UBR3: variants seen among roughly 807,000 people sequenced by gnomAD.
The protein encoded by UBR3 is E3 ubiquitin-protein ligase UBR3.
UBR3 carries 85 observed loss-of-function variants against 243.2 expected under a neutral mutation model. The ratio of observed to expected loss-of-function variants is 0.35; its 90% CI spans 0.29 to 0.42. The LOEUF (loss-of-function observed/expected upper bound fraction) is 0.42. Ranked by LOEUF, UBR3 falls within the 10% of genes least tolerant of loss-of-function variation. The pLI, the probability that UBR3 is intolerant of heterozygous loss-of-function variation, is 1.00. For missense variants in UBR3, 1,686 were observed against 2,300.8 expected (o/e 0.73, Z 5.47); for synonymous variants, 748 against 799.8 (o/e 0.94, Z 1.09).
At chr2:170,054,205 A>G (rs1260971930) in intron 32 of UBR3, among the ~76,000 whole-genome samples, 1 of 151,654 alleles carries the variant, frequency 6.6e-6, no homozygotes, top group Non-Finnish European at 1.5e-5. Flanking sequence ...TTGGATTACT[A>G]TAGCCTTCCC....
chr2:170,050,040 A>G (rs747897925), intron 32 of UBR3, among the ~76,000 whole-genome samples: 16 of 152,204 alleles, frequency 1.1e-4, no homozygotes, highest in Non-Finnish European at 2.1e-4. Context: ...TTGGACCCAA[A>G]ATTCAATTGC....
intron 35 of UBR3, among the ~76,000 whole-genome samples, chr2:170,071,087 G>A (rs763645977): frequency 3.3e-5 from 5 of 152,166 alleles, no homozygotes; most frequent in East Asian, 1.9e-4. Flanking sequence ...AAGTGTTGGC[G>A]AGGATTTGAA....
At chr2:169,938,348 G>C (rs908963738) in intron 19 of UBR3, among the ~76,000 whole-genome samples, 3 of 147,342 alleles carry the variant, frequency 2.0e-5, no homozygotes, top group African/African-American at 7.6e-5. Context: ...CTGCAGCCTT[G>C]GGCCTTCCCA....
intron 36 of UBR3, among the ~76,000 whole-genome samples, chr2:170,075,997 A>G (rs1173814276): frequency 6.6e-6 from 1 of 151,800 alleles, no homozygotes; most frequent in Non-Finnish European, 1.5e-5. Flanking sequence ...GCTTGGGAAG[A>G]AGAGAAACCA....
chr2:169,957,642 C>T (rs1456627846), intron 23 of UBR3, among the ~76,000 whole-genome samples: 1 of 151,864 alleles, frequency 6.6e-6, no homozygotes, highest in African/African-American at 2.4e-5. Context: ...AGCACACCAA[C>T]ATGGCACATG....
chr2:169,973,013 AC>A (rs1320072170), intron 24 of UBR3, among the ~76,000 whole-genome samples: 2 of 104,282 alleles, frequency 1.9e-5, no homozygotes, highest in Non-Finnish European at 3.9e-5. Flanking sequence ...TATCTAGAAA[AC>A]CCCATTGTCT....
chr2:170,005,232 C>A (rs2089870329), intron 27 of UBR3, among the ~76,000 whole-genome samples: 1 of 151,938 alleles, frequency 6.6e-6, no homozygotes, highest in South Asian at 2.1e-4. Flanking sequence ...TCAAACAAAA[C>A]AAAACAAAAA....
intron 25 of UBR3, among the ~76,000 whole-genome samples, chr2:169,990,768 A>T (rs1357677491): frequency 6.6e-6 from 1 of 152,022 alleles, no homozygotes; most frequent in East Asian, 1.9e-4. Flanking sequence ...AAGAGAAGGG[A>T]ATCAAAATTT....
At chr2:170,002,771 C>T (rs1284910902) in intron 27 of UBR3, among the ~76,000 whole-genome samples, 1 of 152,176 alleles carries the variant, frequency 6.6e-6, no homozygotes, top group Non-Finnish European at 1.5e-5. Context: ...CTCTCCCATT[C>T]AGAATCCTTC....
At chr2:169,887,155 TTGTCTCA>T (rs2084132456) in intron 5 of UBR3, among the ~76,000 whole-genome samples, 1 of 152,388 alleles carries the variant, frequency 6.6e-6, no homozygotes, top group Admixed American at 6.5e-5. Context: ...TTGGATTTTC[TTGTCTCA>T]TGTCTTCTTG....
In UBR3 at chr2:170,061,457, G is replaced by C. The variant is rs769370883; in HGVS notation, c.5019+14G>C. 1 of 1,586,290 alleles carries C rather than the reference G, an allele frequency of 6.3e-7. No individual in the cohort carries two copies. Among genetic ancestry groups the C allele is most frequent in the Non-Finnish European group, 8.5e-7 (1 of 1,171,282 alleles). On this transcript the variant is annotated intron_variant, in intron 35 of 38. Coordinates refer to ENST00000272793, the MANE Select transcript of UBR3 (RefSeq NM_172070.4). The stretch of plus-strand genomic sequence containing the variant: ...CCTAGCTGCCAGGTAGATAATTTGG[G>C]ATATGTAAGAGGGAGCTTTTTTTTT...
At chr2:169,947,796 T>C (rs2086844856) in intron 22 of UBR3, 81 bp downstream of exon 22, 1 of 1,255,736 alleles carries the variant, frequency 8.0e-7, no homozygotes. Context: ...TCCTATAATA[T>C]CCAAAAGAAA....
intron 5 of UBR3, among the ~76,000 whole-genome samples, chr2:169,883,876 C>A (rs2083987901): frequency 6.6e-6 from 1 of 152,172 alleles, no homozygotes; most frequent in African/African-American, 2.4e-5. Context: ...CTCTTTTGCC[C>A]AGGCTGGAGT....
At chr2:170,019,516 C>G (rs974799697) in intron 30 of UBR3, among the ~76,000 whole-genome samples, 2 of 151,986 alleles carry the variant, frequency 1.3e-5, no homozygotes, top group African/African-American at 4.8e-5. Context: ...AGAACCTCAT[C>G]TCTAAAAAGA....
At chr2:170,063,334 T>C (rs571236878) in intron 35 of UBR3, among the ~76,000 whole-genome samples, 6 of 152,264 alleles carry the variant, frequency 3.9e-5, no homozygotes, top group Admixed American at 6.5e-5. Context: ...AAGTACTTTG[T>C]GTATATTCAG....
intron 24 of UBR3, among the ~76,000 whole-genome samples, chr2:169,978,651 T>G (rs986187495): frequency 1.3e-5 from 2 of 151,968 alleles, no homozygotes; most frequent in South Asian, 2.1e-4. Flanking sequence ...TCCCAGACTC[T>G]GTGATCCCAG....
Position 169,925,609 on chromosome 2 carries a change from CTTTTA to C in UBR3, c.2023-7_2023-3del. 1 of 1,534,646 alleles carries C rather than the reference CTTTTA, an allele frequency of 6.5e-7. No individual in the cohort carries two copies. The highest frequency in any genetic ancestry group is 8.8e-7 in the Non-Finnish European group (1 of 1,141,276). ...GATAATTTATTCTTTGTCCAATTTA[CTTTTA>C]TTAGGCAAGTCTTGCAGAAATCCAC... On this transcript the variant is annotated splice_region_variant and splice_polypyrimidine_tract_variant and intron_variant, in intron 13 of 38. Transcript: ENST00000272793.
intron 30 of UBR3, among the ~76,000 whole-genome samples, chr2:170,018,017 T>G (rs957179777): frequency 2.6e-5 from 4 of 152,320 alleles, no homozygotes; most frequent in Admixed American, 6.5e-5. Context: ...AGCTTGCACT[T>G]GAGCCCAGCT....
chr2:169,930,065 T>C (rs764393353), intron 18 of UBR3, among the ~76,000 whole-genome samples: 8 of 152,128 alleles, frequency 5.3e-5, no homozygotes, highest in Non-Finnish European at 8.8e-5. Context: ...ATTAGATGAA[T>C]TTGGGAGTGG....
Sources: gnomAD v4.1 joint callset for allele counts (sites outside exome capture counted in the v4.1 genomes callset) on GRCh38, gnomAD v4.1.1 for gene constraint, MANE v1.5 for transcripts, NCBI Gene and HGNC (gene_info 2026-07-23, HGNC 2026-07-21) for gene names.